VWF: variants seen among roughly 807,000 people sequenced by gnomAD.
VWF encodes the protein von Willebrand factor.
A neutral mutation model predicts 308.6 loss-of-function variants in VWF; 176 were observed. That is an observed-to-expected ratio of 0.57 (90% confidence interval 0.50 to 0.65). The LOEUF is 0.65. Among genes scored for constraint, VWF ranks in the 30% least tolerant of loss-of-function variants. VWF has a pLI of 0.00. For missense variants in VWF, 3,146 were observed against 3,648.2 expected, an observed-to-expected ratio of 0.86 and a Z score of 3.55; for synonymous variants, 1,385 against 1,443.4, an observed-to-expected ratio of 0.96 and a Z score of 0.92.
intron 18 of VWF, among the ~76,000 whole-genome samples, chr12:6,037,370 A>G (rs749472896): frequency 6.6e-6 from 1 of 152,164 alleles, no homozygotes; most frequent in Non-Finnish European, 1.5e-5. Context: ...GATCAGAACT[A>G]GAGTCTGGGG....
chr12:6,057,480 TTTATTATTATTA>T (rs10667650), intron 14 of VWF, among the ~76,000 whole-genome samples: 7,449 of 129,454 alleles, frequency 0.058, 250 homozygotes, highest in Middle Eastern at 0.086. Context: ...GCCCGGCAAA[TTTATTATTATTA>T]TTATTATTAT....
chr12:6,108,748 G>A (rs1024065123), intron 5 of VWF, among the ~76,000 whole-genome samples: 20 of 152,086 alleles, frequency 1.3e-4, no homozygotes, highest in Admixed American at 4.6e-4. Flanking sequence ...TTGGGAGGCC[G>A]AGGGGGGCAG....
At chr12:5,991,147 A>G (rs930077690) in intron 38 of VWF, among the ~76,000 whole-genome samples, 1 of 147,392 alleles carries the variant, frequency 6.8e-6, no homozygotes, top group Non-Finnish European at 1.5e-5. Context: ...ATTCTGTGGA[A>G]TCCCAGTCCC....
chr12:6,039,676 G>C (rs974550292), intron 18 of VWF, among the ~76,000 whole-genome samples: 1 of 152,148 alleles, frequency 6.6e-6, no homozygotes, highest in African/African-American at 2.4e-5. Context: ...GACCATGTAG[G>C]AGATATTTCT....
rs1467076739 is a variant in VWF, at chr12:6,075,911, C to T, written c.658-360G>A. 6.6e-6 allele frequency among the ~76,000 whole-genome samples: 1 copy of T among 152,192 alleles called. No individual in the cohort carries two copies. The highest frequency in any genetic ancestry group is 1.5e-5 in the Non-Finnish European group (1 of 68,038). ...TGGGTGGCTGCAGAGTCCAGGAATG[C>T]TGTCAGCATCGGTTCTGCACTGACC... On this transcript the variant is annotated intron_variant, in intron 6 of 51. Coordinates refer to ENST00000261405, the MANE Select transcript of VWF (RefSeq NM_000552.5). The surrounding 1 kb of genome is among the most constrained non-coding windows in gnomAD (Gnocchi z 4.7).
intron 18 of VWF, 119 bp downstream of exon 18, chr12:6,044,172 C>T: frequency 1.5e-6 from 2 of 1,311,174 alleles, no homozygotes; most frequent in Middle Eastern, 2.6e-4. Context: ...AGCACCACCT[C>T]CATTGCTATC....
chr12:6,033,188 G>T (rs1289411761), intron 20 of VWF, among the ~76,000 whole-genome samples: 5 of 152,232 alleles, frequency 3.3e-5, no homozygotes, highest in Non-Finnish European at 2.9e-5. Flanking sequence ...GGAAACAAGG[G>T]TGTAGGTGTT....
rs1357594062 is a variant in VWF at position 6,090,594 on chromosome 12, TAAC to T, written c.657+4863_657+4865del. Reference sequence around the variant, plus strand: ...CAGTGGGAGAATATGGGGAGCCAGCTAACAACAACTCCTCCTCCTCCTCCTCCT... The same window carrying T: ...CAGTGGGAGAATATGGGGAGCCAGCTAACAACTCCTCCTCCTCCTCCTCCT... On this transcript the variant is annotated intron_variant, in intron 6 of 51. Transcript: ENST00000261405. 6.1e-5 allele frequency among the ~76,000 whole-genome samples: 8 copies of T among 131,924 alleles called. No homozygotes were observed. The South Asian group carries it at 1.5e-3, about 25-fold the overall frequency. 86.5% of individuals were successfully genotyped at this position (131,924 alleles called of 152,430 possible).
In VWF at chr12:6,057,208, G is replaced by A. The variant is rs913485432; in HGVS notation, c.1730-136C>T. The A allele has an allele frequency of 2.3e-5, 17 of 732,790 alleles. No homozygotes were observed. The African/African-American group carries it at 3.1e-4, about 13-fold the overall frequency. 45.4% of individuals were successfully genotyped at this position (732,790 alleles called of 1,614,324 possible). ...AGGTCACGCAGAGAAATCTGCAAATGCCACCCCCACCCCCAAGTCCATTTA... is the reference window on the plus strand; with the variant it reads ...AGGTCACGCAGAGAAATCTGCAAATACCACCCCCACCCCCAAGTCCATTTA... On this transcript the variant is annotated intron_variant, in intron 14 of 51. Transcript: ENST00000261405.
In VWF at chr12:5,981,929, T is replaced by TGG. The variant is rs1943610727; in HGVS notation, c.7142_7143dup (p.Thr2382ProfsTer23). 7.5e-7 allele frequency: 1 copy of TGG among 1,333,528 alleles called. No individual in the cohort carries two copies. Among genetic ancestry groups the TGG allele is most frequent in the Admixed American group, 1.9e-5 (1 of 53,190 alleles). The allele number at this position is 1,333,528 out of a possible 1,614,324, so 82.6% of individuals were successfully genotyped here. On this transcript the variant is annotated frameshift_variant, in exon 42 of 52. Coordinates refer to ENST00000261405, the MANE Select transcript of VWF (RefSeq NM_000552.5). LOFTEE classifies it high-confidence loss of function. ...TCACAGCACTGGGTCTTCCGAAGGGTGGGCAAACGGTGCGGGGGGCAGGAG... is the reference window on the plus strand; with the variant it reads ...TCACAGCACTGGGTCTTCCGAAGGGTGGGGGCAAACGGTGCGGGGGGCAGGAG...
At chr12:6,041,421 C>T (rs574389996) in intron 18 of VWF, among the ~76,000 whole-genome samples, 1 of 151,102 alleles carries the variant, frequency 6.6e-6, no homozygotes, top group South Asian at 2.1e-4. Flanking sequence ...CAGAGCAAAA[C>T]TCCGTCTCAA....
intron 18 of VWF, among the ~76,000 whole-genome samples, chr12:6,037,976 G>A (rs1396697348): frequency 6.6e-6 from 1 of 152,202 alleles, no homozygotes; most frequent in Non-Finnish European, 1.5e-5. Flanking sequence ...ACCTCAGGAG[G>A]TGTTCCCGCA....
Position 6,121,346 on chromosome 12 carries a change from G to C in VWF, c.56-8C>G. 1 of 1,613,734 alleles carries C rather than the reference G, an allele frequency of 6.2e-7. No homozygotes were observed. Among genetic ancestry groups the C allele is most frequent in the Non-Finnish European group, 8.5e-7 (1 of 1,179,890 alleles). ...CTTCTGCACAAAGGGTCCCTGGAGGGAGAGGCCACAGGTTGGGCTGGTGAT... is the reference window on the plus strand; with the variant it reads ...CTTCTGCACAAAGGGTCCCTGGAGGCAGAGGCCACAGGTTGGGCTGGTGAT... On this transcript the variant is annotated splice_polypyrimidine_tract_variant and splice_region_variant and intron_variant, in intron 2 of 51. Transcript: ENST00000261405.
At position 6,052,834 on chromosome 12, in the gene VWF, G is replaced by C. The variant is rs762378737; in HGVS notation, c.1946-51C>G. On this transcript the variant is annotated intron_variant, in intron 15 of 51. Transcript: ENST00000261405. ...CTCAGCGGGAATGTTGGACAGCAAGGACTGTGGTTCTAGGACTTGCCACCC... is the reference window on the plus strand; with the variant it reads ...CTCAGCGGGAATGTTGGACAGCAAGCACTGTGGTTCTAGGACTTGCCACCC... The C allele has an allele frequency of 2.5e-6, 4 of 1,587,838 alleles. No homozygotes were observed. The African/African-American group carries it at 4.0e-5, about 16-fold the overall frequency.
At chr12:6,095,768 G>A (rs946996275) in intron 5 of VWF, 184 bp from the exon 6 acceptor site, 3 of 763,390 alleles carry the variant, frequency 3.9e-6, no homozygotes, top group Non-Finnish European at 4.2e-6. Flanking sequence ...TCCCACTACT[G>A]AGCAGCACAG....
At chr12:5,959,909 A>T (rs989260750) in intron 47 of VWF, among the ~76,000 whole-genome samples, 7 of 151,368 alleles carry the variant, frequency 4.6e-5, no homozygotes, top group Non-Finnish European at 1.0e-4. Flanking sequence ...CCATATTAAG[A>T]TGCTAGTAAA....
chr12:6,007,326 C>T (rs1277627045), intron 34 of VWF, among the ~76,000 whole-genome samples: 1 of 152,140 alleles, frequency 6.6e-6, no homozygotes, highest in African/African-American at 2.4e-5. Flanking sequence ...CACATGCTAG[C>T]CCACGAAACA....
At chr12:5,994,289 C>G in intron 36 of VWF, 86 bp from the exon 37 acceptor site, 1 of 1,592,812 alleles carries the variant, frequency 6.3e-7, no homozygotes, top group Non-Finnish European at 8.6e-7. Context: ...CATTCTTGAT[C>G]CTCACCAGAA....
At chr12:5,991,584 G>C (rs974360768) in intron 38 of VWF, among the ~76,000 whole-genome samples, 1 of 152,080 alleles carries the variant, frequency 6.6e-6, no homozygotes, top group Admixed American at 6.5e-5. Flanking sequence ...ATAATAATGT[G>C]GTAACAACAC....
Sources: allele counts gnomAD v4.1 joint callset (sites outside exome capture counted in the v4.1 genomes callset), GRCh38; gene constraint gnomAD v4.1.1; non-coding constraint Gnocchi (gnomAD v3.1); transcripts MANE v1.5; gene names NCBI Gene and HGNC (gene_info 2026-07-23, HGNC 2026-07-21).